COL9A2: variants seen among roughly 807,000 people sequenced by gnomAD.
COL9A2 encodes collagen alpha-2(IX) chain.
In COL9A2, 66 loss-of-function variants were observed where a neutral mutation model predicts 111.6. The observed-to-expected ratio is 0.59, with a 90% confidence interval of 0.48 to 0.73. COL9A2 has a LOEUF of 0.73. Ranked by LOEUF, COL9A2 falls within the 30% of genes least tolerant of loss-of-function variation. The pLI, the probability that COL9A2 is intolerant of heterozygous loss-of-function variation, is 0.00. For synonymous variants in COL9A2, 353 were observed against 364.1 expected, an observed-to-expected ratio of 0.97 and a Z score of 0.35; for missense variants, 881 against 954.1, an observed-to-expected ratio of 0.92 and a Z score of 1.01.
In COL9A2 at chr1:40,311,551, A is replaced by G; in HGVS notation, c.472-4T>C. 2 of 1,612,850 alleles carry G rather than the reference A, an allele frequency of 1.2e-6. No individual in the cohort carries two copies. The highest frequency in any genetic ancestry group is 1.7e-6 in the Non-Finnish European group (2 of 1,179,740). On this transcript the variant is annotated splice_polypyrimidine_tract_variant and splice_region_variant and intron_variant, in intron 9 of 31. Transcript: ENST00000372748. The surrounding 1 kb of genome is among the most constrained non-coding windows in gnomAD (Gnocchi z 5.1). ...CCTGGATGGTTCCCGGGCGACCCTGAGAGGAGACATGAAGATGGAGCTTGG... is the reference window on the plus strand; with the variant it reads ...CCTGGATGGTTCCCGGGCGACCCTGGGAGGAGACATGAAGATGGAGCTTGG...
chr1:40,315,644 C>A lies in COL9A2; in HGVS notation c.96G>T (p.Arg32=). Residue 32 remains arginine, a synonymous_variant, in exon 2 of 32, where the codon CGG becomes CGT. Coordinates refer to ENST00000372748, the MANE Select transcript of COL9A2 (RefSeq NM_001852.4). ...GCGGTCCCGGGGGACCCGGGGGGCC[C>A]CGCTCTCCCGGTGGACCTCTCTGAA... ...LAQIRGPPGE[R]GPPGPPGPPG... 6.4e-7 allele frequency: 1 copy of A among 1,554,092 alleles called. No individual in the cohort carries two copies. The highest frequency in any genetic ancestry group is 8.7e-7 in the Non-Finnish European group (1 of 1,147,922).
At position 40,302,712 on chromosome 1, in the gene COL9A2, T is replaced by TGGTACCCA; in HGVS notation, c.1700_1701insTGGGTACC (p.Lys569TyrfsTer182). ...GGTGCCCATGGGGGCCCTGCTTGCCTGGGTACCCAGGGGGCCCAGGAGGTC... is the reference window on the plus strand; with the variant it reads ...GGTGCCCATGGGGGCCCTGCTTGCCTGGTACCCAGGGTACCCAGGGGGCCCAGGAGGTC... On this transcript the variant is annotated frameshift_variant, in exon 30 of 32. Transcript: ENST00000372748. LOFTEE classifies it high-confidence loss of function. The surrounding 1 kb of genome is among the most constrained non-coding windows in gnomAD (Gnocchi z 4.5). 1 of 1,575,760 alleles carries TGGTACCCA rather than the reference T, an allele frequency of 6.3e-7. No homozygotes were observed. The highest frequency in any genetic ancestry group is 2.4e-5 in the East Asian group (1 of 42,364).
chr1:40,312,538 C>A lies in COL9A2; in HGVS notation c.339+36G>T. The A allele has an allele frequency of 1.2e-6, 2 of 1,614,018 alleles. No homozygotes were observed. The highest frequency in any genetic ancestry group is 1.7e-6 in the Non-Finnish European group (2 of 1,179,978). ...CTCCCTCTGCAGGTCCCCTCTCCCC[C>A]AAGAGTCCCTCGAAGCCCTTGCAGG... is the stretch of plus-strand genomic sequence containing the variant. On this transcript the variant is annotated intron_variant, in intron 6 of 31. Transcript: ENST00000372748. This position sits in a 1 kb window ranked among gnomAD's most constrained non-coding sequence, Gnocchi z 6.0.
Position 40,302,470 on chromosome 1 carries a change from CT to C in COL9A2, c.1792+150del, listed in dbSNP as rs1250299456. The stretch of plus-strand genomic sequence containing the variant: ...TACATTCATTGCCATCCGTTTGCTA[CT>C]AGGAAAGAGCCCAGGAGTGTCTCCT... On this transcript the variant is annotated intron_variant, in intron 30 of 31. Coordinates refer to ENST00000372748, the MANE Select transcript of COL9A2 (RefSeq NM_001852.4). This position sits in a 1 kb window ranked among gnomAD's most constrained non-coding sequence, Gnocchi z 4.5. 8.3e-6 allele frequency: 7 copies of C among 846,498 alleles called. No individual in the cohort carries two copies. In the African/African-American group the frequency reaches 1.0e-4, roughly 12 times the overall value. 52.4% of individuals were successfully genotyped at this position (846,498 alleles called of 1,614,324 possible).
At position 40,311,547 on chromosome 1, in the gene COL9A2, C is replaced by T; in HGVS notation, c.472G>A (p.Gly158Ser). 6.2e-7 allele frequency: 1 copy of T among 1,614,006 alleles called. No homozygotes were observed. The highest frequency in any genetic ancestry group is 1.1e-5 in the South Asian group (1 of 91,062). ...AGACCCTGGATGGTTCCCGGGCGAC[C>T]CTGAGAGGAGACATGAAGATGGAGC... ...SGPPGPPGKP[G>S]RPGTIQGLEG... The change falls in exon 10 of 32, where the codon GGT becomes AGT. Residue 158 changes from glycine (G) to serine (S), a missense_variant and splice_region_variant. By Grantham distance (56) the Gly-to-Ser change is moderately conservative. Coordinates refer to ENST00000372748, the MANE Select transcript of COL9A2 (RefSeq NM_001852.4). The surrounding 1 kb of genome is among the most constrained non-coding windows in gnomAD (Gnocchi z 5.1).
intron 20 of COL9A2, 100 bp downstream of exon 20, chr1:40,306,043 C>T: frequency 7.1e-7 from 1 of 1,406,690 alleles, no homozygotes; most frequent in South Asian, 1.2e-5. Flanking sequence ...GGCTTATGTT[C>T]TGGCTGAGCC....
Position 40,303,988 on chromosome 1 carries a change from C to T in COL9A2, c.1324-16G>A, listed in dbSNP as rs1223274820. The T allele has an allele frequency of 1.4e-5, 22 of 1,568,028 alleles. No individual in the cohort carries two copies. Among genetic ancestry groups the T allele is most frequent in the East Asian group, 4.7e-5 (2 of 42,742 alleles). On this transcript the variant is annotated splice_polypyrimidine_tract_variant and intron_variant, in intron 25 of 31. Coordinates refer to ENST00000372748, the MANE Select transcript of COL9A2 (RefSeq NM_001852.4). The surrounding 1 kb of genome is among the most constrained non-coding windows in gnomAD (Gnocchi z 4.6). ...CTGGGTCACCCTGCAGAGAGAACCA[C>T]GGGTCAGACGCGCGGTGGCGGCGGG...
In COL9A2 at chr1:40,314,360, C is replaced by T; in HGVS notation, c.178G>A (p.Gly60Ser). 1 of 1,614,140 alleles carries T rather than the reference C, an allele frequency of 6.2e-7. No homozygotes were observed. The highest frequency in any genetic ancestry group is 1.1e-5 in the South Asian group (1 of 91,072). Reference sequence around the variant, plus strand: ...GAGGATAAAGCACTCACCGGAGGGCCAGCTTTTCCAGGGGGCCCATTGTCA... The same window carrying T: ...GAGGATAAAGCACTCACCGGAGGGCTAGCTTTTCCAGGGGGCCCATTGTCA... The part of the protein sequence containing the change: ...DGDNGPPGKA[G>S]PPGPKGEPGK... Residue 60 changes from glycine to serine, a missense_variant, in exon 3 of 32, where the codon GGC becomes AGC. By Grantham distance (56) the Gly-to-Ser change is moderately conservative. Coordinates refer to ENST00000372748, the MANE Select transcript of COL9A2 (RefSeq NM_001852.4). The surrounding 1 kb of genome is among the most constrained non-coding windows in gnomAD (Gnocchi z 4.1).
At position 40,307,076 on chromosome 1, in the gene COL9A2, C is replaced by T. The variant is rs1280448978; in HGVS notation, c.1008+370G>A. Among the ~76,000 whole-genome samples the T allele has an allele frequency of 6.6e-6, 1 of 152,102 alleles. No homozygotes were observed. The highest frequency in any genetic ancestry group is 2.4e-5 in the African/African-American group (1 of 41,400). On this transcript the variant is annotated intron_variant, in intron 19 of 31. Coordinates refer to ENST00000372748, the MANE Select transcript of COL9A2 (RefSeq NM_001852.4). The surrounding 1 kb of genome is among the most constrained non-coding windows in gnomAD (Gnocchi z 4.8). The stretch of plus-strand genomic sequence containing the variant: ...GCCAGGCTGGTTTTGAACTCCTGAC[C>T]TCAAGTGATCCACTCAGCTGAGCCT...
At position 40,312,332 on chromosome 1, in the gene COL9A2, C is replaced by T; in HGVS notation, c.363+124G>A. 7.2e-7 allele frequency: 1 copy of T among 1,394,086 alleles called. No individual in the cohort carries two copies. Among genetic ancestry groups the T allele is most frequent in the Non-Finnish European group, 1.0e-6 (1 of 1,003,904 alleles). 86.4% of individuals were successfully genotyped at this position (1,394,086 alleles called of 1,614,324 possible). A position where few individuals can be genotyped will look rare whatever the true frequency, so the allele number is the denominator to read the frequency against. On this transcript the variant is annotated intron_variant, in intron 7 of 31. Coordinates refer to ENST00000372748, the MANE Select transcript of COL9A2 (RefSeq NM_001852.4). This position sits in a 1 kb window ranked among gnomAD's most constrained non-coding sequence, Gnocchi z 6.0. ...TGGCCCTGGGTCTCTGGCAGGTCCA[C>T]TTATTCCTGACACTATCACAGCAAG...
intron 2 of COL9A2, chr1:40,315,387 A>G (rs1443359944): frequency 8.6e-6 from 12 of 1,395,778 alleles, no homozygotes; most frequent in South Asian, 1.6e-5. Flanking sequence ...GTCGGCGGCT[A>G]TAACGGGCTC....
chr1:40,313,084 G>A (rs1282581266), intron 4 of COL9A2, among the ~76,000 whole-genome samples: 1 of 152,160 alleles, frequency 6.6e-6, no homozygotes, highest in Non-Finnish European at 1.5e-5. Flanking sequence ...CTAGCCATGG[G>A]TCAAGATTGG....
rs1383621486 is a variant in COL9A2, at chr1:40,303,779, C to T, written c.1401+28G>A. The T allele has an allele frequency of 2.0e-6, 3 of 1,531,024 alleles. No individual in the cohort carries two copies. The highest frequency in any genetic ancestry group is 2.6e-6 in the Non-Finnish European group (3 of 1,143,732). The allele number at this position is 1,531,024 out of a possible 1,614,324, so 94.8% of individuals were successfully genotyped here. On this transcript the variant is annotated intron_variant, in intron 27 of 31. Transcript: ENST00000372748. This position sits in a 1 kb window ranked among gnomAD's most constrained non-coding sequence, Gnocchi z 4.6. ...GAAGGGAGTGGCCGCCCAGGAAAGT[C>T]GGAGAACGCCGGGAGGGGAGGACTC...
intron 2 of COL9A2, 57 bp downstream of exon 2, chr1:40,315,533 A>G (rs2124106729): frequency 2.0e-6 from 3 of 1,510,558 alleles, no homozygotes; most frequent in Non-Finnish European, 2.7e-6. Context: ...CAGCGCTCAC[A>G]AAGTTCTCCT....
rs141640918 is a variant in COL9A2 at position 40,300,711 on chromosome 1, G to C, written c.*471C>G. 6.3e-6 allele frequency: 1 copy of C among 157,846 alleles called. No individual in the cohort carries two copies. The highest frequency in any genetic ancestry group is 1.8e-4 in the East Asian group (1 of 5,410). 9.8% of individuals were successfully genotyped at this position (157,846 alleles called of 1,614,324 possible). A position where few individuals can be genotyped will look rare whatever the true frequency, so the allele number is the denominator to read the frequency against. On this transcript the variant is annotated 3_prime_UTR_variant, in exon 32 of 32. Transcript: ENST00000372748. The surrounding 1 kb of genome is among the most constrained non-coding windows in gnomAD (Gnocchi z 4.4). ...GCCTCAGGGGAGTCACCCAGCAGCA[G>C]TCACCTGGTAGGTCCAGAGAGTGAG... is the stretch of plus-strand genomic sequence containing the variant.
chr1:40,304,033 G>A (rs575101932), intron 25 of COL9A2, 31 bp downstream of exon 25: 17 of 1,575,582 alleles, frequency 1.1e-5, no homozygotes, highest in Admixed American at 1.9e-5. Context: ...CAGGGTTGGG[G>A]GTCGCTGGGA....
intron 4 of COL9A2, among the ~76,000 whole-genome samples, chr1:40,313,625 C>G (rs1452027290): frequency 6.6e-6 from 1 of 152,190 alleles, no homozygotes; most frequent in African/African-American, 2.4e-5. Context: ...CTGGTCACAC[C>G]TCATGAGCCA....
chr1:40,306,819 A>G (rs1260150478), intron 19 of COL9A2, among the ~76,000 whole-genome samples: 1 of 151,292 alleles, frequency 6.6e-6, no homozygotes, highest in East Asian at 1.9e-4. Context: ...CCTGCCACTT[A>G]GTATACCTCA....
At chr1:40,304,563 G>C in intron 22 of COL9A2, 34 bp from the exon 23 acceptor site, 2 of 1,613,000 alleles carry the variant, frequency 1.2e-6, no homozygotes. Context: ...AACCTCAGCA[G>C]CTCTCAGCAG....
Sources: allele counts gnomAD v4.1 joint callset (sites outside exome capture counted in the v4.1 genomes callset), GRCh38; gene constraint gnomAD v4.1.1; non-coding constraint Gnocchi (gnomAD v3.1); transcripts MANE v1.5; gene names NCBI Gene and HGNC (gene_info 2026-07-23, HGNC 2026-07-21).